Variants in KAZN observed in about 807,000 individuals in gnomAD.
The protein encoded by KAZN is kazrin.
KAZN carries 40 observed loss-of-function variants against 87.4 expected under a neutral mutation model. That is an observed-to-expected ratio of 0.46 (90% confidence interval 0.36 to 0.60). The LOEUF (loss-of-function observed/expected upper bound fraction) is 0.60, where lower values mean the gene tolerates loss of function less well. KAZN is among the 20% of genes least tolerant of loss of function. The pLI is 0.00. For missense variants in KAZN, 898 were observed against 1,073.9 expected (o/e 0.84, Z 2.29); for synonymous variants, 466 against 458.3 (o/e 1.02, Z -0.22).
chr1:14,215,849 A>G (rs1646946705), intron 2 of KAZN, among the ~76,000 whole-genome samples: 1 of 152,190 alleles, frequency 6.6e-6, no homozygotes, highest in African/African-American at 2.4e-5. Flanking sequence ...AGATGAACTG[A>G]GAGGTCAGGG....
chr1:14,236,949 A>G (rs1268233439), intron 2 of KAZN, among the ~76,000 whole-genome samples: 1 of 152,240 alleles, frequency 6.6e-6, no homozygotes, highest in East Asian at 1.9e-4. Context: ...AATAAAGAGA[A>G]GTGTTATTGA....
intron 2 of KAZN, among the ~76,000 whole-genome samples, chr1:14,532,553 T>C (rs1186155037): frequency 6.6e-6 from 1 of 151,490 alleles, no homozygotes; most frequent in African/African-American, 2.4e-5. Context: ...TGTGCCATGT[T>C]GGTGTGCTGC....
intron 1 of KAZN, among the ~76,000 whole-genome samples, chr1:14,803,805 T>G (rs112753676): frequency 9.2e-5 from 14 of 152,260 alleles, no homozygotes; most frequent in African/African-American, 2.7e-4. Flanking sequence ...CTGGAGCCAC[T>G]GGATGTGGTC....
At chr1:15,068,461 G>A (rs1011948907) in intron 8 of KAZN, among the ~76,000 whole-genome samples, 3 of 152,108 alleles carry the variant, frequency 2.0e-5, no homozygotes, top group Non-Finnish European at 4.4e-5. Context: ...GTCAGCTTTC[G>A]TCTGCTTCCT....
chr1:14,710,784 A>G (rs1226270600), intron 1 of KAZN, among the ~76,000 whole-genome samples: 1 of 152,146 alleles, frequency 6.6e-6, no homozygotes, highest in African/African-American at 2.4e-5. Flanking sequence ...GTCTTCCTCC[A>G]GTGGAATGAA....
chr1:14,796,473 C>T (rs1016060468), intron 1 of KAZN, among the ~76,000 whole-genome samples: 14 of 152,230 alleles, frequency 9.2e-5, no homozygotes, highest in Admixed American at 2.6e-4. Flanking sequence ...CTCTGATTCC[C>T]AGTCTCTAGA....
chr1:14,515,929 C>G (rs933148661), intron 2 of KAZN, among the ~76,000 whole-genome samples: 2 of 152,150 alleles, frequency 1.3e-5, no homozygotes, highest in African/African-American at 4.8e-5. Flanking sequence ...CTCACGTAAG[C>G]TCCATGAGAC....
chr1:14,580,518 A>G (rs1235881669), intron 2 of KAZN, among the ~76,000 whole-genome samples: 1 of 143,794 alleles, frequency 7.0e-6, no homozygotes. Context: ...AAATAAATAA[A>G]GTATATTAAT....
chr1:15,008,971 T>G (rs930424978), intron 2 of KAZN, among the ~76,000 whole-genome samples: 1 of 152,238 alleles, frequency 6.6e-6, no homozygotes, highest in Non-Finnish European at 1.5e-5. Flanking sequence ...CACTTTGGTT[T>G]CCTTAAGAGG....
intron 1 of KAZN, among the ~76,000 whole-genome samples, chr1:14,740,930 G>T (rs1557442327): frequency 6.6e-6 from 1 of 152,184 alleles, no homozygotes; most frequent in Non-Finnish European, 1.5e-5. Flanking sequence ...TCCCTCCATG[G>T]TGCCTGTGGG....
chr1:14,309,358 T>C (rs1330614383), intron 2 of KAZN, among the ~76,000 whole-genome samples: 1 of 152,192 alleles, frequency 6.6e-6, no homozygotes, highest in Non-Finnish European at 1.5e-5. Flanking sequence ...TGTTGGGGAA[T>C]TGTAGGTAAA....
chr1:14,997,204 CATTTATTTATTTA>C (rs1367197997), intron 2 of KAZN, among the ~76,000 whole-genome samples: 12 of 120,812 alleles, frequency 9.9e-5, no homozygotes, highest in African/African-American at 3.7e-4. Flanking sequence ...TTCTTTCTTT[CATTTATTTATTTA>C]TTTATTTATT....
intron 2 of KAZN, among the ~76,000 whole-genome samples, chr1:14,208,598 G>A (rs895725723): frequency 5.3e-5 from 8 of 152,192 alleles, no homozygotes; most frequent in African/African-American, 1.9e-4. Context: ...ATAGCAATGA[G>A]TATAAGAAAA....
intron 4 of KAZN, among the ~76,000 whole-genome samples, chr1:15,051,299 G>C (rs1254506772): frequency 6.6e-6 from 1 of 152,206 alleles, no homozygotes; most frequent in African/African-American, 2.4e-5. Flanking sequence ...CGGAACCTCA[G>C]GCCCTCCTGG....
chr1:14,130,277 C>T (rs1009728550), intron 1 of KAZN, among the ~76,000 whole-genome samples: 2 of 152,190 alleles, frequency 1.3e-5, no homozygotes, highest in African/African-American at 2.4e-5. Context: ...GCCCCTCCAT[C>T]CAGCCATCAG....
At chr1:15,104,259 T>A in intron 13 of KAZN, 70 bp downstream of exon 13, 1 of 1,432,056 alleles carries the variant, frequency 7.0e-7, no homozygotes. Context: ...TGGAAGCAGA[T>A]GGTCCAGCTC....
chr1:14,966,357 A>G (rs548395354), intron 2 of KAZN, among the ~76,000 whole-genome samples: 23 of 152,256 alleles, frequency 1.5e-4, no homozygotes, highest in Non-Finnish European at 1.5e-4. Flanking sequence ...TTATTTTTTA[A>G]ACATTTTTGT....
intron 2 of KAZN, among the ~76,000 whole-genome samples, chr1:14,217,644 A>G (rs770475732): frequency 3.9e-5 from 6 of 152,136 alleles, no homozygotes; most frequent in Non-Finnish European, 7.4e-5. Flanking sequence ...CCAAAACTAT[A>G]ATTTCAAAAG....
intron 2 of KAZN, among the ~76,000 whole-genome samples, chr1:15,023,665 G>A (rs1022120624): frequency 6.6e-6 from 1 of 152,032 alleles, no homozygotes; most frequent in Non-Finnish European, 1.5e-5. Flanking sequence ...GAAGTGACAT[G>A]GTCTGAGCTG....
Sources: allele counts gnomAD v4.1 joint callset (sites outside exome capture counted in the v4.1 genomes callset), GRCh38; gene constraint gnomAD v4.1.1; transcripts MANE v1.5; gene names NCBI Gene and HGNC (gene_info 2026-07-23, HGNC 2026-07-21).